CFAP91: variants seen among roughly 807,000 people sequenced by gnomAD.
CFAP91 encodes the protein cilia and flagella associated protein 91, also known as cilia- and flagella-associated protein 91.
Under a neutral mutation model 95.9 loss-of-function variants are expected in CFAP91, and 85 were observed. That is an observed-to-expected ratio of 0.89 (90% CI 0.74 to 1.06). CFAP91 has a LOEUF of 1.06. Among genes scored for constraint, CFAP91 ranks in the 50% least tolerant of loss-of-function variants. The probability of loss-of-function intolerance (pLI) is 0.00; values close to 1 mark genes in which losing one functional copy is unlikely to be tolerated. For missense variants in CFAP91, 962 were observed against 943.4 expected (o/e 1.02, Z -0.26); for synonymous variants, 335 against 327.5 (o/e 1.02, Z -0.25).
intron 3 of CFAP91, 131 bp from the exon 4 acceptor site, chr3:119,708,460 G>C (rs1013978486): frequency 1.6e-5 from 10 of 631,836 alleles, no homozygotes; most frequent in Non-Finnish European, 2.5e-5. Flanking sequence ...GTCAAATGCA[G>C]GTTATGGAAG....
intron 6 of CFAP91, among the ~76,000 whole-genome samples, chr3:119,720,742 T>C (rs548333475): frequency 3.1e-4 from 47 of 152,324 alleles, no homozygotes; most frequent in Admixed American, 2.7e-3. Context: ...GCACATTGAT[T>C]TTAGGACCCT....
intron 11 of CFAP91, among the ~76,000 whole-genome samples, chr3:119,738,649 T>G (rs1035316815): frequency 2.6e-5 from 4 of 152,136 alleles, no homozygotes; most frequent in Non-Finnish European, 5.9e-5. Context: ...GTGCCCAGCC[T>G]GACAACACAT....
rs1187635042 is a variant in CFAP91 at position 119,739,203 on chromosome 3, G to A, written c.1462-52G>A. On this transcript the variant is annotated intron_variant, in intron 11 of 17. Transcript: ENST00000273390. ...ATAAGTCTTCAAAAGAATATTTGAT[G>A]CTTGGACTACTGCAGTTCTCAAGCT... The A allele has an allele frequency of 3.5e-6, 5 of 1,433,706 alleles. No homozygotes were observed. The Admixed American group carries it at 6.7e-5, about 19-fold the overall frequency. The allele number at this position is 1,433,706 out of a possible 1,614,324, so 88.8% of individuals were successfully genotyped here. A position where few individuals can be genotyped will look rare whatever the true frequency, so the allele number is the denominator to read the frequency against.
chr3:119,716,350 CACTT>C (rs1440457872), intron 6 of CFAP91, among the ~76,000 whole-genome samples: 3 of 152,184 alleles, frequency 2.0e-5, no homozygotes, highest in East Asian at 3.9e-4. Context: ...TTATGTAACT[CACTT>C]AGTTGTATTA....
At position 119,744,163 on chromosome 3, in the gene CFAP91, G is replaced by A; in HGVS notation, c.1869G>A (p.Gln623=). The part of the protein sequence containing the change: ...EESGRRQVEK[Q]RLREEDEIFK... Reference sequence around the variant, plus strand: ...GTGGTCGGCGCCAGGTGGAAAAACAGCGCCTGCGGGAGGAGGACGAGATAT... The same window carrying A: ...GTGGTCGGCGCCAGGTGGAAAAACAACGCCTGCGGGAGGAGGACGAGATAT... The change falls in exon 14 of 18, where the codon CAG becomes CAA. Residue 623 remains glutamine, a synonymous_variant. Coordinates refer to ENST00000273390, the MANE Select transcript of CFAP91 (RefSeq NM_033364.4). The A allele has an allele frequency of 6.2e-7, 1 of 1,613,712 alleles. No individual in the cohort carries two copies.
intron 10 of CFAP91, among the ~76,000 whole-genome samples, chr3:119,736,373 G>C (rs1199068052): frequency 6.8e-6 from 1 of 146,094 alleles, no homozygotes; most frequent in Non-Finnish European, 1.5e-5. Context: ...CCAGGTTGAC[G>C]CCATTCTCCT....
intron 6 of CFAP91, among the ~76,000 whole-genome samples, chr3:119,721,086 C>CA (rs140842843): frequency 0.02 from 2,976 of 152,076 alleles, 101 homozygotes; most frequent in African/African-American, 0.067. Flanking sequence ...AAGAAATATG[C>CA]AAAAAAATTC....
rs1278436004 is a variant in CFAP91, at chr3:119,740,583, TC to T, written c.1570del (p.Gln524ArgfsTer16). The T allele has an allele frequency of 6.2e-7, 1 of 1,613,996 alleles. No homozygotes were observed. The highest frequency in any genetic ancestry group is 8.5e-7 in the Non-Finnish European group (1 of 1,180,040). On this transcript the variant is annotated frameshift_variant, in exon 13 of 18. Coordinates refer to ENST00000273390, the MANE Select transcript of CFAP91 (RefSeq NM_033364.4). LOFTEE classifies it high-confidence loss of function. ...FEGKEKRLEL[I>X]QELRTCHALQ... The stretch of plus-strand genomic sequence containing the variant: ...GGGAAAGAAAAGCGACTGGAGTTGA[TC>T]CAGGAGTTGCGCACCTGCCACGCAC...
At chr3:119,751,895 C>T (rs1218968798) in intron 17 of CFAP91, among the ~76,000 whole-genome samples, 1 of 152,200 alleles carries the variant, frequency 6.6e-6, no homozygotes, top group African/African-American at 2.4e-5. Context: ...AGTCAACATA[C>T]TCACAGAAAC....
rs756573039 is a variant in CFAP91, at chr3:119,731,084, T to A, written c.1018+707T>A. Among the ~76,000 whole-genome samples the A allele has an allele frequency of 1.2e-4, 18 of 151,948 alleles. No homozygotes were observed. In the South Asian group the frequency reaches 1.2e-3, roughly 11 times the overall value. On this transcript the variant is annotated intron_variant, in intron 8 of 17. Transcript: ENST00000273390. ...AGACCACGTCTCTACAAATTTTTTT[T>A]AAAAACAGCCTGATGTAATGGTACA... is the stretch of plus-strand genomic sequence containing the variant.
intron 16 of CFAP91, among the ~76,000 whole-genome samples, chr3:119,749,881 G>C (rs939028616): frequency 2.0e-5 from 3 of 152,142 alleles, no homozygotes; most frequent in Non-Finnish European, 4.4e-5. Context: ...TAAAGTAATA[G>C]TAACTGCCAA....
At chr3:119,765,019 A>C (rs1201079310) in intron 17 of CFAP91, 33 bp from the exon 18 acceptor site, 1 of 152,188 alleles carries the variant, frequency 6.6e-6, no homozygotes, top group Non-Finnish European at 1.5e-5. Context: ...AAGATGACAT[A>C]ATCATAAACA....
intron 2 of CFAP91, 128 bp downstream of exon 2, chr3:119,707,013 C>A: frequency 2.8e-6 from 2 of 725,368 alleles, no homozygotes; most frequent in South Asian, 1.7e-5. Flanking sequence ...ATTACCTTGC[C>A]AAGATTACTG....
intron 17 of CFAP91, among the ~76,000 whole-genome samples, chr3:119,762,960 T>C (rs962061506): frequency 6.6e-6 from 1 of 151,700 alleles, no homozygotes; most frequent in Non-Finnish European, 1.5e-5. Flanking sequence ...AAAGTGAAAA[T>C]AGACAAAAGA....
rs774085086 is a variant in CFAP91 at position 119,703,270 on chromosome 3, A to C, written c.124+48A>C. 33 of 1,599,808 alleles carry C rather than the reference A, an allele frequency of 2.1e-5. No individual in the cohort carries two copies. The East Asian group carries it at 6.8e-4, about 33-fold the overall frequency. On this transcript the variant is annotated intron_variant, in intron 1 of 17. Transcript: ENST00000273390. ...CTCCGCGTCCGTCGCCTCCTAGGCC[A>C]GGTGGGCTCCCAGATGGTGGGACCT...
chr3:119,732,059 A>C (rs1473740362), intron 8 of CFAP91, among the ~76,000 whole-genome samples: 1 of 152,130 alleles, frequency 6.6e-6, no homozygotes, highest in Non-Finnish European at 1.5e-5. Flanking sequence ...ACGAGTACCG[A>C]TTGAGGACAC....
At position 119,756,007 on chromosome 3, in the gene CFAP91, A is replaced by G. The variant is rs1052331529; in HGVS notation, c.*1+4909A>G. 3.9e-4 allele frequency among the ~76,000 whole-genome samples: 59 copies of G among 152,286 alleles called. 1 individual carries two copies. In the South Asian group the frequency reaches 0.012, roughly 30 times the overall value. ...CACTGATTGAAGAAATTTCACTACT[A>G]AAGGAAGGAATAATATGTTGGGAGA... On this transcript the variant is annotated intron_variant, in intron 17 of 17. Coordinates refer to ENST00000273390, the MANE Select transcript of CFAP91 (RefSeq NM_033364.4).
chr3:119,745,075 C>T (rs1007058657), intron 14 of CFAP91, among the ~76,000 whole-genome samples: 3 of 152,186 alleles, frequency 2.0e-5, no homozygotes, highest in East Asian at 1.9e-4. Flanking sequence ...AACATCAGCT[C>T]TGTCTAGCAA....
At chr3:119,752,174 C>A (rs990831918) in intron 17 of CFAP91, 29 of 152,138 alleles carry the variant, frequency 1.9e-4, no homozygotes, top group African/African-American at 5.5e-4. Context: ...TGAAGGTATA[C>A]CAACCATCAG....
Sources: allele counts gnomAD v4.1 joint callset (sites outside exome capture counted in the v4.1 genomes callset), GRCh38; gene constraint gnomAD v4.1.1; transcripts MANE v1.5; gene names NCBI Gene and HGNC (gene_info 2026-07-23, HGNC 2026-07-21).